Variants in LOXHD1 observed in about 807,000 individuals in gnomAD.
LOXHD1 encodes the protein lipoxygenase homology PLAT domains 1.
In LOXHD1, 205 loss-of-function variants were observed where a neutral mutation model predicts 248.2. The observed-to-expected ratio is 0.83, with a 90% CI of 0.74 to 0.93. The LOEUF is 0.93. LOXHD1 is among the 40% of genes least tolerant of loss of function. LOXHD1 has a pLI of 0.00. For synonymous variants in LOXHD1, 1,113 were observed against 1,162.8 expected (o/e 0.96, Z 0.87); for missense variants, 2,930 against 2,971.6 (o/e 0.99, Z 0.33).
rs983834614 is a variant in LOXHD1, at chr18:46,534,218, T to C, written c.4212+117A>G. On this transcript the variant is annotated intron_variant, in intron 27 of 40. Coordinates refer to ENST00000642948, the MANE Select transcript of LOXHD1 (RefSeq NM_001384474.1). ...GAGTGAACTGGGTGAATTTTCATTA[T>C]GAGATTTTTATCTCAATAAGGCTGA... The C allele has an allele frequency of 2.4e-5, 16 of 666,122 alleles. No individual in the cohort carries two copies. The East Asian group carries it at 3.9e-4, about 16-fold the overall frequency. 41.3% of individuals were successfully genotyped at this position (666,122 alleles called of 1,614,324 possible).
At chr18:46,607,574 G>A (rs1019982450) in intron 6 of LOXHD1, among the ~76,000 whole-genome samples, 3 of 151,864 alleles carry the variant, frequency 2.0e-5, no homozygotes, top group East Asian at 1.9e-4. Context: ...GTAAAATTAT[G>A]AGTGGTTTTT....
chr18:46,506,090 C>T (rs1346280673), intron 36 of LOXHD1, 67 bp from the exon 37 acceptor site: 2 of 1,518,866 alleles, frequency 1.3e-6, no homozygotes, highest in African/African-American at 2.8e-5. Flanking sequence ...TTGCTCTGGC[C>T]TTGATCCCGG....
intron 4 of LOXHD1, 91 bp downstream of exon 4, chr18:46,639,509 AAGATGAGGTAGGTGAG>A: frequency 7.5e-7 from 1 of 1,326,722 alleles, no homozygotes; most frequent in Non-Finnish European, 1.0e-6. Context: ...GAGGCATGCC[AAGATGAGGTAGGTGAG>A]ACTGCCCAGA....
chr18:46,533,782 C>T (rs1173731125), intron 27 of LOXHD1: 13 of 285,682 alleles, frequency 4.6e-5, no homozygotes, highest in Admixed American at 8.8e-5. Context: ...AAAAATTAGT[C>T]GGGCGTGGTG....
chr18:46,548,644 T>C (rs2036952694), intron 21 of LOXHD1, among the ~76,000 whole-genome samples: 1 of 152,208 alleles, frequency 6.6e-6, no homozygotes, highest in African/African-American at 2.4e-5. Context: ...GCTATAGTTA[T>C]AAATTATGGC....
At chr18:46,518,002 G>C in intron 34 of LOXHD1, 127 bp downstream of exon 34, 1 of 1,173,500 alleles carries the variant, frequency 8.5e-7, no homozygotes, top group Non-Finnish European at 1.2e-6. Context: ...AATAGACAAA[G>C]GCAGAGGAAG....
At position 46,557,413 on chromosome 18, in the gene LOXHD1, T is replaced by A; in HGVS notation, c.3293A>T (p.Asn1098Ile). The change falls in exon 21 of 41, where the codon AAC (asparagine) becomes ATC (isoleucine). Residue 1098 changes from asparagine to isoleucine, a missense_variant. Transcript: ENST00000642948. ...TCTGTCCAGGAACCAGCCTGCTCTG[T>A]TGCCTGTGTTGTCGTGGCGAATCCG... ...KIRIRHDNTGNRAGWFLDRID... is the reference protein window; with the variant it reads ...KIRIRHDNTGIRAGWFLDRID... 2 of 1,552,322 alleles carry A rather than the reference T, an allele frequency of 1.3e-6. No individual in the cohort carries two copies. The highest frequency in any genetic ancestry group is 2.4e-5 in the South Asian group (2 of 84,064).
At chr18:46,582,884 C>T (rs1027183005) in intron 12 of LOXHD1, among the ~76,000 whole-genome samples, 1 of 152,088 alleles carries the variant, frequency 6.6e-6, no homozygotes, top group African/African-American at 2.4e-5. Flanking sequence ...GGTGGTGGTT[C>T]CTATGAATGA....
At chr18:46,480,087 A>T (rs1237989647) in intron 40 of LOXHD1, among the ~76,000 whole-genome samples, 1 of 152,178 alleles carries the variant, frequency 6.6e-6, no homozygotes, top group Non-Finnish European at 1.5e-5. Flanking sequence ...AGAGGAGGAG[A>T]TACTTGCATT....
rs10775482 is a variant in LOXHD1, at chr18:46,542,047, T to C, written c.3749-107A>G. On this transcript the variant is annotated intron_variant, in intron 24 of 40. Transcript: ENST00000642948. The stretch of plus-strand genomic sequence containing the variant: ...TCCTTCCTTAGGTGGCTGGCTGATA[T>C]CATTAACATGACATCCCTTTTGCTT... 0.79 allele frequency: 826,942 copies of C among 1,047,490 alleles called. 331,238 individuals carry two copies. The highest frequency in any genetic ancestry group is 0.83 in the Non-Finnish European group (617,259 of 740,320). 64.9% of individuals were successfully genotyped at this position (1,047,490 alleles called of 1,614,324 possible).
chr18:46,528,413 T>C (rs1009250560), intron 29 of LOXHD1, among the ~76,000 whole-genome samples: 8 of 152,078 alleles, frequency 5.3e-5, no homozygotes, highest in Non-Finnish European at 1.0e-4. Flanking sequence ...AAAGGAAGTT[T>C]AATAAAGCCC....
In LOXHD1 at chr18:46,531,089, C is replaced by T. The variant is rs1262454959; in HGVS notation, c.4376-1758G>A. Among the ~76,000 whole-genome samples the T allele has an allele frequency of 2.6e-5, 4 of 152,064 alleles. No individual in the cohort carries two copies. In the East Asian group the frequency reaches 7.7e-4, roughly 29 times the overall value. ...CCCTGTCCCTTTTGCAAACCTTCTC[C>T]CCAACCATCTTCCTTGTCTCAGTGG... On this transcript the variant is annotated intron_variant, in intron 28 of 40. Transcript: ENST00000642948.
chr18:46,583,137 A>G (rs1315991921), intron 12 of LOXHD1, among the ~76,000 whole-genome samples: 1 of 152,230 alleles, frequency 6.6e-6, no homozygotes, highest in Admixed American at 6.5e-5. Context: ...GTGAAAATAA[A>G]AAGATTACCC....
intron 25 of LOXHD1, among the ~76,000 whole-genome samples, chr18:46,539,886 T>A (rs1218681845): frequency 6.6e-6 from 1 of 152,042 alleles, no homozygotes; most frequent in Non-Finnish European, 1.5e-5. Flanking sequence ...TTGAAAGGAG[T>A]CACAATACAA....
intron 34 of LOXHD1, among the ~76,000 whole-genome samples, chr18:46,514,701 A>G (rs2035151584): frequency 6.6e-6 from 1 of 152,116 alleles, no homozygotes; most frequent in Admixed American, 6.5e-5. Flanking sequence ...AGTGAAAGCA[A>G]TAGGCCATCC....
At position 46,625,003 on chromosome 18, in the gene LOXHD1, A is replaced by C. The variant is rs573247812; in HGVS notation, c.512-6713T>G. On this transcript the variant is annotated intron_variant, in intron 4 of 40. Coordinates refer to ENST00000642948, the MANE Select transcript of LOXHD1 (RefSeq NM_001384474.1). ...CATCGTTTAATCCTCACAATGATGG[A>C]CCCTATGGCTACTAGTGTCACCATT... Among the ~76,000 whole-genome samples, 5 of 152,186 alleles carry C rather than the reference A, an allele frequency of 3.3e-5. No homozygotes were observed. The South Asian group carries it at 1.0e-3, about 32-fold the overall frequency.
intron 38 of LOXHD1, among the ~76,000 whole-genome samples, chr18:46,488,102 T>A (rs983445779): frequency 1.3e-5 from 2 of 152,218 alleles, no homozygotes; most frequent in African/African-American, 4.8e-5. Context: ...GACTGTATTT[T>A]GGCTGGAAGT....
chr18:46,638,413 C>T lies in LOXHD1; in HGVS notation c.511+1203G>A, dbSNP rs561748191. Among the ~76,000 whole-genome samples the T allele has an allele frequency of 2.0e-5, 3 of 152,276 alleles. No individual in the cohort carries two copies. In the South Asian group the frequency reaches 6.2e-4, roughly 32 times the overall value. Reference sequence around the variant, plus strand: ...TTGGGAGGCCGAGGTGGGTGGATCACCTGAGGTCAGGAGTTTCAGACCAGC... The same window carrying T: ...TTGGGAGGCCGAGGTGGGTGGATCATCTGAGGTCAGGAGTTTCAGACCAGC... On this transcript the variant is annotated intron_variant, in intron 4 of 40. Transcript: ENST00000642948.
At chr18:46,579,577 T>C in intron 13 of LOXHD1, 53 bp downstream of exon 13, 1 of 1,549,240 alleles carries the variant, frequency 6.5e-7, no homozygotes, top group Non-Finnish European at 8.7e-7. Flanking sequence ...CGAGGGAACA[T>C]GGGAAGGGAA....
Sources: allele counts gnomAD v4.1 joint callset (sites outside exome capture counted in the v4.1 genomes callset), GRCh38; gene constraint gnomAD v4.1.1; transcripts MANE v1.5; gene names NCBI Gene and HGNC (gene_info 2026-07-23, HGNC 2026-07-21).